The following SKI variants were observed in gnomAD, a reference collection of about 807,000 sequenced individuals.
SKI encodes the protein ski oncogene.
In SKI, 23 loss-of-function variants were observed where a neutral mutation model predicts 59.3. That is an observed-to-expected ratio of 0.39 (90% CI 0.28 to 0.55). SKI has a LOEUF of 0.55. Among genes scored for constraint, SKI ranks in the 20% least tolerant of loss-of-function variants. SKI has a pLI of 0.67. For synonymous variants in SKI, 673 were observed against 488.6 expected (o/e 1.38, Z -4.98); for missense variants, 1,017 against 1,038.9 (o/e 0.98, Z 0.29).
At chr1:2,243,696 C>T (rs1195384033) in intron 1 of SKI, among the ~76,000 whole-genome samples, 1 of 152,160 alleles carries the variant, frequency 6.6e-6, no homozygotes, top group African/African-American at 2.4e-5. Context: ...TGGCTGTAAA[C>T]GAGTTCTCTG....
intron 1 of SKI, among the ~76,000 whole-genome samples, chr1:2,290,221 C>G (rs1249820691): frequency 6.6e-6 from 1 of 152,094 alleles, no homozygotes; most frequent in Non-Finnish European, 1.5e-5. Flanking sequence ...AGGCAAGTCC[C>G]GGGGCTCCTG....
chr1:2,293,921 A>G lies in SKI; in HGVS notation c.970-9057A>G, dbSNP rs191619387. Among the ~76,000 whole-genome samples the G allele has an allele frequency of 3.3e-5, 5 of 152,326 alleles. No homozygotes were observed. In the East Asian group the frequency reaches 9.7e-4, roughly 29 times the overall value. Reference sequence around the variant, plus strand: ...TGCAGGCGGTGGTCACCGCGCCACCATGGGGGTCCAGGCAGCAGGATGGTC... The same window carrying G: ...TGCAGGCGGTGGTCACCGCGCCACCGTGGGGGTCCAGGCAGCAGGATGGTC... On this transcript the variant is annotated intron_variant, in intron 1 of 6. Coordinates refer to ENST00000378536, the MANE Select transcript of SKI (RefSeq NM_003036.4).
chr1:2,275,215 A>C (rs1038208068), intron 1 of SKI, among the ~76,000 whole-genome samples: 5 of 152,096 alleles, frequency 3.3e-5, no homozygotes, highest in Admixed American at 1.3e-4. Flanking sequence ...CTGTCTTGGA[A>C]GGAACATCGG....
intron 1 of SKI, among the ~76,000 whole-genome samples, chr1:2,298,703 G>C (rs185130109): frequency 6.6e-6 from 1 of 152,382 alleles, no homozygotes; most frequent in Non-Finnish European, 1.5e-5. Flanking sequence ...CACATCCCAG[G>C]TGAGGTGCAG....
chr1:2,234,837 G>GAA (rs1557810894), intron 1 of SKI, among the ~76,000 whole-genome samples: 1 of 152,172 alleles, frequency 6.6e-6, no homozygotes, highest in East Asian at 1.9e-4. Flanking sequence ...TAATATCTGG[G>GAA]AGAGCTGGAA....
In SKI at chr1:2,268,708, C is replaced by T. The variant is rs1639550323; in HGVS notation, c.970-34270C>T. Among the ~76,000 whole-genome samples, 1 of 152,186 alleles carries T rather than the reference C, an allele frequency of 6.6e-6. No individual in the cohort carries two copies. The highest frequency in any genetic ancestry group is 1.5e-5 in the Non-Finnish European group (1 of 68,034). ...TTTCTGGCCTGTGAGGGCTGCAGAG[C>T]AGCGTGCCCAGGGGCTGTAGGTGCA... On this transcript the variant is annotated intron_variant, in intron 1 of 6. Coordinates refer to ENST00000378536, the MANE Select transcript of SKI (RefSeq NM_003036.4). The surrounding 1 kb of genome is among the most constrained non-coding windows in gnomAD (Gnocchi z 5.0).
rs889899067 is a variant in SKI, at chr1:2,307,585, C to A, written c.*820C>A. On this transcript the variant is annotated 3_prime_UTR_variant, in exon 7 of 7. Coordinates refer to ENST00000378536, the MANE Select transcript of SKI (RefSeq NM_003036.4). ...GTCACGCCCTCAGCCCCTCCGGGCACACGTGCCGCCTGACCGGGCGACCCT... is the reference window on the plus strand; with the variant it reads ...GTCACGCCCTCAGCCCCTCCGGGCAAACGTGCCGCCTGACCGGGCGACCCT... 3 of 152,498 alleles carry A rather than the reference C, an allele frequency of 2.0e-5. No homozygotes were observed. The highest frequency in any genetic ancestry group is 4.4e-5 in the Non-Finnish European group (3 of 68,054). 9.4% of individuals were successfully genotyped at this position (152,498 alleles called of 1,614,324 possible). A position where few individuals can be genotyped will look rare whatever the true frequency, so the allele number is the denominator to read the frequency against.
chr1:2,279,305 C>G (rs1639817662), intron 1 of SKI, among the ~76,000 whole-genome samples: 1 of 152,244 alleles, frequency 6.6e-6, no homozygotes, highest in Non-Finnish European at 1.5e-5. Flanking sequence ...TGGCCGTGCC[C>G]AGCAGAGACC....
At chr1:2,284,336 A>G (rs1639984840) in intron 1 of SKI, among the ~76,000 whole-genome samples, 1 of 152,194 alleles carries the variant, frequency 6.6e-6, no homozygotes, top group Non-Finnish European at 1.5e-5. Flanking sequence ...AGGCGGCCTG[A>G]GAAGAGCCTC....
At chr1:2,248,408 GT>G (rs1175248263) in intron 1 of SKI, among the ~76,000 whole-genome samples, 1 of 152,242 alleles carries the variant, frequency 6.6e-6, no homozygotes, top group Non-Finnish European at 1.5e-5. Context: ...TGTCCTAACT[GT>G]TGAATATTAA....
At chr1:2,240,052 G>A (rs778348150) in intron 1 of SKI, among the ~76,000 whole-genome samples, 3 of 152,232 alleles carry the variant, frequency 2.0e-5, no homozygotes, top group Non-Finnish European at 4.4e-5. Flanking sequence ...TCAATGGACT[G>A]TAGATGAAGG....
intron 1 of SKI, among the ~76,000 whole-genome samples, chr1:2,286,497 T>TA (rs902989388): frequency 3.3e-5 from 5 of 152,186 alleles, no homozygotes; most frequent in Admixed American, 6.5e-5. Context: ...CTTGTCTCTT[T>TA]AAAAAATCAT....
At chr1:2,294,576 G>A (rs1640242891) in intron 1 of SKI, among the ~76,000 whole-genome samples, 1 of 152,244 alleles carries the variant, frequency 6.6e-6, no homozygotes, top group Non-Finnish European at 1.5e-5. Flanking sequence ...GGGCCACCTT[G>A]TCACGTCCTC....
At chr1:2,283,546 C>T (rs1413380589) in intron 1 of SKI, among the ~76,000 whole-genome samples, 1 of 152,244 alleles carries the variant, frequency 6.6e-6, no homozygotes. Flanking sequence ...TTGGTGGCCG[C>T]TTCCCCTGCT....
intron 1 of SKI, among the ~76,000 whole-genome samples, chr1:2,244,585 A>G (rs1638951311): frequency 6.6e-6 from 1 of 152,122 alleles, no homozygotes; most frequent in African/African-American, 2.4e-5. Context: ...GTCTCAAAAA[A>G]CGAAAAGCAA....
At chr1:2,241,684 C>T (rs967569204) in intron 1 of SKI, among the ~76,000 whole-genome samples, 2 of 152,180 alleles carry the variant, frequency 1.3e-5, no homozygotes, top group South Asian at 4.1e-4. Flanking sequence ...TGAGCCACTG[C>T]GCCCGGCCAG....
rs147195582 is a variant in SKI, at chr1:2,293,271, C to T, written c.970-9707C>T. Among the ~76,000 whole-genome samples the T allele has an allele frequency of 2.0e-4, 30 of 152,240 alleles. No homozygotes were observed. In the South Asian group the frequency reaches 2.3e-3, roughly 12 times the overall value. ...GACTCACCATGTTAGACCTGAGGTT[C>T]GTGGTGGGATCCACCGGCGTGGCCC... On this transcript the variant is annotated intron_variant, in intron 1 of 6. Transcript: ENST00000378536.
chr1:2,229,337 T>C lies in SKI; in HGVS notation c.571T>C (p.Tyr191His). 1 of 1,595,388 alleles carries C rather than the reference T, an allele frequency of 6.3e-7. No homozygotes were observed. Among genetic ancestry groups the C allele is most frequent in the African/African-American group, 1.3e-5 (1 of 74,492 alleles). Residue 191 changes from tyrosine to histidine, a missense_variant, in exon 1 of 7, where the codon TAC becomes CAC. Transcript: ENST00000378536. This position sits in a 1 kb window ranked among gnomAD's most constrained non-coding sequence, Gnocchi z 6.3. ...CGAGCGCCTGTGCAACGCGCTGCTC[T>C]ACGGCGGCGCCTACCCGCCGCCCTG... ...DAERLCNALL[Y>H]GGAYPPPCKK...
intron 1 of SKI, among the ~76,000 whole-genome samples, chr1:2,300,549 C>T (rs1030170713): frequency 5.3e-5 from 8 of 152,228 alleles, no homozygotes; most frequent in African/African-American, 9.6e-5. Flanking sequence ...GGCCTGAAGA[C>T]GGCTGTCTGC....
Sources: gnomAD v4.1 joint callset for allele counts (sites outside exome capture counted in the v4.1 genomes callset) on GRCh38, gnomAD v4.1.1 for gene constraint, Gnocchi (gnomAD v3.1) non-coding constraint, MANE v1.5 for transcripts, NCBI Gene and HGNC (gene_info 2026-07-23, HGNC 2026-07-21) for gene names.